MYCBP2: variants seen among roughly 807,000 people sequenced by gnomAD.
MYCBP2 encodes E3 ubiquitin-protein ligase MYCBP2.
Under a neutral mutation model 525.3 loss-of-function variants are expected in MYCBP2, and 120 were observed. The ratio of observed to expected loss-of-function variants is 0.23; its 90% confidence interval spans 0.20 to 0.27. The LOEUF (loss-of-function observed/expected upper bound fraction) is 0.27. Ranked by LOEUF, MYCBP2 falls within the 10% of genes least tolerant of loss-of-function variation. The pLI, the probability that MYCBP2 is intolerant of heterozygous loss-of-function variation, is 1.00. For missense variants in MYCBP2, 4,149 were observed against 5,657.1 expected, an observed-to-expected ratio of 0.73 and a Z score of 8.55; for synonymous variants, 1,894 against 1,955.8, an observed-to-expected ratio of 0.97 and a Z score of 0.83.
At chr13:77,178,672 A>C (rs190197121) in intron 34 of MYCBP2, among the ~76,000 whole-genome samples, 238 of 152,358 alleles carry the variant, frequency 1.6e-3, no homozygotes, top group African/African-American at 5.4e-3. Flanking sequence ...TGGGAGACTA[A>C]ATAGATACAA....
intron 59 of MYCBP2, among the ~76,000 whole-genome samples, chr13:77,091,362 C>T (rs2045388215): frequency 6.6e-6 from 1 of 150,862 alleles, no homozygotes; most frequent in South Asian, 2.1e-4. Context: ...GACATTTGTT[C>T]TGTTTTCAGA....
rs570075392 is a variant in MYCBP2, at chr13:77,081,412, C to T, written c.11418+15G>A. On this transcript the variant is annotated intron_variant, in intron 65 of 82. Transcript: ENST00000544440. The surrounding 1 kb of genome is among the most constrained non-coding windows in gnomAD (Gnocchi z 4.6). Reference sequence around the variant, plus strand: ...AAAAGAGCTAAAGAGCCGTAAATCACGTTTGCTTTCTTACCCCAAGATCTC... The same window carrying T: ...AAAAGAGCTAAAGAGCCGTAAATCATGTTTGCTTTCTTACCCCAAGATCTC... 8 of 1,605,422 alleles carry T rather than the reference C, an allele frequency of 5.0e-6. No homozygotes were observed. The African/African-American group carries it at 8.0e-5, about 16-fold the overall frequency.
intron 55 of MYCBP2, chr13:77,110,090 AG>A (rs1363864725): frequency 6.6e-6 from 1 of 152,270 alleles, no homozygotes; most frequent in Non-Finnish European, 1.5e-5. Flanking sequence ...GAACAAGGGA[AG>A]ACAACCATAA....
At chr13:77,243,595 A>G (rs2069275432) in intron 16 of MYCBP2, among the ~76,000 whole-genome samples, 2 of 151,800 alleles carry the variant, frequency 1.3e-5, no homozygotes, top group South Asian at 4.2e-4. Flanking sequence ...CCTTGGCAAC[A>G]GAGCAAGACT....
intron 21 of MYCBP2, among the ~76,000 whole-genome samples, chr13:77,212,685 T>C (rs1198352124): frequency 6.6e-6 from 1 of 152,228 alleles, no homozygotes; most frequent in East Asian, 1.9e-4. Flanking sequence ...CCCTAAATTA[T>C]TTCATTTATG....
At chr13:77,054,169 A>G (rs76608411) in intron 80 of MYCBP2, among the ~76,000 whole-genome samples, 1,976 of 152,224 alleles carry the variant, frequency 0.013, 43 homozygotes, top group African/African-American at 0.045. Flanking sequence ...AGGTCAGAGT[A>G]AAATATGCAG....
chr13:77,120,130 CT>C (rs1294771632), intron 55 of MYCBP2, among the ~76,000 whole-genome samples: 1 of 152,006 alleles, frequency 6.6e-6, no homozygotes, highest in Admixed American at 6.5e-5. Context: ...TAAAACATTA[CT>C]ATATAGAGAT....
Position 77,087,439 on chromosome 13 carries a change from A to G in MYCBP2, c.10875+45T>C, listed in dbSNP as rs777717525. The G allele has an allele frequency of 3.4e-6, 5 of 1,471,776 alleles. No homozygotes were observed. In the African/African-American group the frequency reaches 5.6e-5, roughly 16 times the overall value. The allele number at this position is 1,471,776 out of a possible 1,614,324, so 91.2% of individuals were successfully genotyped here. ...TTGGACTATTTGAAGGTATACTACCAGTTTCTATAAAAATATGCACAATCA... is the reference window on the plus strand; with the variant it reads ...TTGGACTATTTGAAGGTATACTACCGGTTTCTATAAAAATATGCACAATCA... On this transcript the variant is annotated intron_variant, in intron 62 of 82. Coordinates refer to ENST00000544440, the MANE Select transcript of MYCBP2 (RefSeq NM_015057.5).
intron 44 of MYCBP2, among the ~76,000 whole-genome samples, chr13:77,160,902 G>A (rs956014717): frequency 6.6e-6 from 1 of 152,094 alleles, no homozygotes; most frequent in African/African-American, 2.4e-5. Flanking sequence ...ATAAAAAGTA[G>A]TACATTTTTA....
At chr13:77,108,857 C>T (rs1344393432) in intron 55 of MYCBP2, among the ~76,000 whole-genome samples, 7 of 152,130 alleles carry the variant, frequency 4.6e-5, no homozygotes, top group African/African-American at 1.7e-4. Flanking sequence ...GTGCCTGCCA[C>T]CACACCCAGC....
At chr13:77,113,487 A>C (rs1377668155) in intron 55 of MYCBP2, among the ~76,000 whole-genome samples, 1 of 152,108 alleles carries the variant, frequency 6.6e-6, no homozygotes, top group African/African-American at 2.4e-5. Context: ...AGGTGAATAA[A>C]TGGAAGAATG....
chr13:77,152,358 A>G (rs2056592074), intron 46 of MYCBP2, among the ~76,000 whole-genome samples: 1 of 152,216 alleles, frequency 6.6e-6, no homozygotes, highest in South Asian at 2.1e-4. Context: ...CCAGCATAAA[A>G]AGCTTTAAAC....
chr13:77,226,564 G>A (rs2154296839), intron 18 of MYCBP2, among the ~76,000 whole-genome samples: 1 of 152,244 alleles, frequency 6.6e-6, no homozygotes, highest in East Asian at 1.9e-4. Context: ...CTCTAAACAA[G>A]TGTGTATTAT....
intron 23 of MYCBP2, 78 bp from the exon 24 acceptor site, chr13:77,206,903 T>A: frequency 8.2e-7 from 1 of 1,226,406 alleles, no homozygotes; most frequent in Non-Finnish European, 1.1e-6. Flanking sequence ...TAACTGATGA[T>A]ACAAAGAGAA....
intron 4 of MYCBP2, among the ~76,000 whole-genome samples, chr13:77,276,601 A>G (rs548205900): frequency 1.3e-5 from 2 of 152,268 alleles, no homozygotes; most frequent in Admixed American, 1.3e-4. Flanking sequence ...AACTTTAAAC[A>G]AGAAAATAAA....
chr13:77,097,710 G>T lies in MYCBP2; in HGVS notation c.9444C>A (p.Asn3148Lys). ...GAAGAGGAGACTTAGACTTCATTGTGTTATGCATGGACATTTCAAAAGTGG... is the reference window on the plus strand; with the variant it reads ...GAAGAGGAGACTTAGACTTCATTGTTTTATGCATGGACATTTCAAAAGTGG... Reference protein sequence around the residue: ...TETTFEMSMHNTMKSKSPLPL... With the variant: ...TETTFEMSMHKTMKSKSPLPL... The change falls in exon 56 of 83, where the codon AAC (asparagine) becomes AAA (lysine). Residue 3148 changes from asparagine (N) to lysine (K), a missense_variant. This residue lies in a region of MYCBP2 where 653 missense variants were observed against 744.7 expected (regional missense o/e 0.88). Coordinates refer to ENST00000544440, the MANE Select transcript of MYCBP2 (RefSeq NM_015057.5). The T allele has an allele frequency of 6.2e-7, 1 of 1,613,632 alleles. No homozygotes were observed. Among genetic ancestry groups the T allele is most frequent in the Non-Finnish European group, 8.5e-7 (1 of 1,179,808 alleles).
intron 1 of MYCBP2, among the ~76,000 whole-genome samples, chr13:77,303,321 A>G (rs2079017687): frequency 1.3e-5 from 2 of 152,272 alleles, no homozygotes; most frequent in Admixed American, 1.3e-4. Flanking sequence ...CGACAGAGCG[A>G]GACTCCGTCT....
At chr13:77,184,588 G>C (rs563950864) in intron 32 of MYCBP2, among the ~76,000 whole-genome samples, 2 of 152,204 alleles carry the variant, frequency 1.3e-5, no homozygotes, top group Non-Finnish European at 2.9e-5. Flanking sequence ...TGAAAGAGGA[G>C]TGTTAAAGTC....
chr13:77,141,208 A>G (rs1431020369), intron 49 of MYCBP2, among the ~76,000 whole-genome samples: 1 of 152,160 alleles, frequency 6.6e-6, no homozygotes. Context: ...TGATACAGAA[A>G]AAATGGAAAA....
Sources: gnomAD v4.1 joint callset for allele counts (sites outside exome capture counted in the v4.1 genomes callset) on GRCh38, gnomAD v4.1.1 for gene constraint, gnomAD v4.1.1 regional missense constraint, Gnocchi (gnomAD v3.1) non-coding constraint, MANE v1.5 for transcripts, NCBI Gene and HGNC (gene_info 2026-07-23, HGNC 2026-07-21) for gene names.